BOLL: variants seen among roughly 807,000 people sequenced by gnomAD.
The protein encoded by BOLL is protein boule-like.
Under a neutral mutation model 44.4 loss-of-function variants are expected in BOLL, and 23 were observed. That is an observed-to-expected ratio of 0.52 (90% CI 0.37 to 0.73). The LOEUF is 0.73. BOLL is among the 30% of genes least tolerant of loss of function. The probability of loss-of-function intolerance (pLI) is 0.00; values close to 1 mark genes in which losing one functional copy is unlikely to be tolerated. For missense variants in BOLL, 287 were observed against 338.3 expected (o/e 0.85, Z 1.19); for synonymous variants, 97 against 110.8 (o/e 0.88, Z 0.78).
intron 1 of BOLL, among the ~76,000 whole-genome samples, chr2:197,784,441 T>C (rs1352351627): frequency 3.1e-5 from 3 of 96,392 alleles, no homozygotes; most frequent in Non-Finnish European, 6.2e-5. Flanking sequence ...TATATATATA[T>C]ATATATATTT....
intron 9 of BOLL, among the ~76,000 whole-genome samples, chr2:197,747,814 A>G (rs1688056513): frequency 6.6e-6 from 1 of 152,196 alleles, no homozygotes; most frequent in Admixed American, 6.5e-5. Context: ...GTACTGGTAC[A>G]AAAACACAGA....
rs1686883338 is a variant in BOLL, at chr2:197,727,124, ATCCT to A, written c.*1427_*1430del. The A allele has an allele frequency of 1.3e-5, 2 of 152,346 alleles. No homozygotes were observed. Among genetic ancestry groups the A allele is most frequent in the African/African-American group, 4.8e-5 (2 of 41,444 alleles). 9.4% of individuals were successfully genotyped at this position (152,346 alleles called of 1,614,324 possible). ...ACTGAGAATAATTAATGTATTTGAG[ATCCT>A]TGTATGCTAGTATACATTCATAAGG... On this transcript the variant is annotated 3_prime_UTR_variant, in exon 11 of 11. Transcript: ENST00000392296.
intron 3 of BOLL, among the ~76,000 whole-genome samples, chr2:197,778,218 T>C (rs964100186): frequency 6.6e-6 from 1 of 151,978 alleles, no homozygotes; most frequent in South Asian, 2.1e-4. Context: ...CATATCCATC[T>C]GTCGAATGTT....
At position 197,743,134 on chromosome 2, in the gene BOLL, G is replaced by T. The variant is rs986619330; in HGVS notation, c.755C>A (p.Ala252Glu). ...PEPYSDHGVQ[A>E]TYHQVYAPSA... ...TGGAGCATAAACCTGGTGATATGTT[G>T]CTTGAACTCCATGATCAGAATAAGG... is the stretch of plus-strand genomic sequence containing the variant. Residue 252 changes from alanine to glutamate, a missense_variant, in exon 10 of 11, where the codon GCA becomes GAA. Ala to Glu is a moderately radical substitution (Grantham distance 107). Transcript: ENST00000392296. 1.2e-6 allele frequency: 2 copies of T among 1,603,468 alleles called. No individual in the cohort carries two copies. Among genetic ancestry groups the T allele is most frequent in the Admixed American group, 1.7e-5 (1 of 58,098 alleles).
chr2:197,743,214 T>G, intron 9 of BOLL, 55 bp from the exon 10 acceptor site: 2 of 1,317,494 alleles, frequency 1.5e-6, no homozygotes, highest in Non-Finnish European at 2.1e-6. Context: ...ATTCTAAATA[T>G]TTACTCAGCA....
At chr2:197,732,068 C>A in intron 10 of BOLL, among the ~76,000 whole-genome samples, 1 of 148,874 alleles carries the variant, frequency 6.7e-6, no homozygotes. Context: ...GCTAGCAAGA[C>A]TAATAAAGAA....
At chr2:197,740,471 G>C (rs995595386) in intron 10 of BOLL, among the ~76,000 whole-genome samples, 1 of 152,082 alleles carries the variant, frequency 6.6e-6, no homozygotes, top group Non-Finnish European at 1.5e-5. Flanking sequence ...AGAATTCCCT[G>C]TACATAGTAG....
intron 10 of BOLL, among the ~76,000 whole-genome samples, chr2:197,731,406 G>A (rs1278504616): frequency 6.9e-6 from 1 of 145,756 alleles, no homozygotes; most frequent in African/African-American, 2.6e-5. Context: ...ACAGATCAAC[G>A]AGACAGAAAG....
upstream of BOLL, among the ~76,000 whole-genome samples, chr2:197,785,502 C>CA (rs1690035264): frequency 2.0e-5 from 3 of 152,168 alleles, no homozygotes; most frequent in South Asian, 6.2e-4. This position sits in a 1 kb window ranked among gnomAD's most constrained non-coding sequence, Gnocchi z 6.7. Context: ...GCCTGGGCCA[C>CA]AGGCGGGCCC....
intron 9 of BOLL, among the ~76,000 whole-genome samples, chr2:197,752,732 A>C (rs1034633682): frequency 6.6e-6 from 1 of 152,192 alleles, no homozygotes; most frequent in Non-Finnish European, 1.5e-5. Context: ...TACTGCCCAA[A>C]GTAATTTATA....
At chr2:197,752,485 A>T (rs1688306745) in intron 9 of BOLL, among the ~76,000 whole-genome samples, 1 of 152,212 alleles carries the variant, frequency 6.6e-6, no homozygotes. Context: ...CAAAAATCAC[A>T]AGCATTCAGC....
chr2:197,730,706 C>A (rs1687121823), intron 10 of BOLL, among the ~76,000 whole-genome samples: 1 of 150,732 alleles, frequency 6.6e-6, no homozygotes. Flanking sequence ...TCATATCCAG[C>A]CAAACTAAGC....
At position 197,728,099 on chromosome 2, in the gene BOLL, G is replaced by A. The variant is rs1686927257; in HGVS notation, c.*456C>T. 1 of 172,560 alleles carries A rather than the reference G, an allele frequency of 5.8e-6. No homozygotes were observed. Among genetic ancestry groups the A allele is most frequent in the Non-Finnish European group, 1.2e-5 (1 of 81,764 alleles). 10.7% of individuals were successfully genotyped at this position (172,560 alleles called of 1,614,324 possible). On this transcript the variant is annotated 3_prime_UTR_variant, in exon 11 of 11. Transcript: ENST00000392296. ...CATTAATATTAAATAGTATACTGTT[G>A]TAAAATATATGAAAGTATTAAAAGT... is the stretch of plus-strand genomic sequence containing the variant.
intron 6 of BOLL, among the ~76,000 whole-genome samples, chr2:197,768,531 G>T (rs1689096835): frequency 1.3e-5 from 2 of 151,470 alleles, no homozygotes; most frequent in Admixed American, 1.3e-4. Flanking sequence ...CAAAATAGCA[G>T]AAAAAAGACC....
intron 9 of BOLL, among the ~76,000 whole-genome samples, chr2:197,746,914 A>G (rs1688011839): frequency 6.6e-6 from 1 of 151,636 alleles, no homozygotes; most frequent in African/African-American, 2.4e-5. Flanking sequence ...AAAAAAAAAA[A>G]AAAAGCAGAG....
intron 10 of BOLL, among the ~76,000 whole-genome samples, chr2:197,730,842 C>A (rs1240478246): frequency 1.3e-5 from 2 of 151,980 alleles, no homozygotes; most frequent in Admixed American, 6.5e-5. Flanking sequence ...ACAACCGGTA[C>A]CAGCCGCTGC....
At chr2:197,782,368 A>G (rs2106396298) in intron 1 of BOLL, among the ~76,000 whole-genome samples, 1 of 152,338 alleles carries the variant, frequency 6.6e-6, no homozygotes, top group Middle Eastern at 3.4e-3. Context: ...GAATGCTGAC[A>G]AAAACAAAGG....
intron 6 of BOLL, among the ~76,000 whole-genome samples, chr2:197,769,669 CG>C (rs1689148476): frequency 6.6e-6 from 1 of 152,114 alleles, no homozygotes; most frequent in South Asian, 2.1e-4. Flanking sequence ...GATACAAAAT[CG>C]ATGTGCAAAA....
rs780755108 is a variant in BOLL at position 197,766,607 on chromosome 2, TAAA to T, written c.481-7_481-5del. 5 of 1,609,344 alleles carry T rather than the reference TAAA, an allele frequency of 3.1e-6. No homozygotes were observed. The highest frequency in any genetic ancestry group is 4.2e-6 in the Non-Finnish European group (5 of 1,177,448). ...GGGAGCTACATACAGAACGTGACTA[TAAA>T]AGGATGGAAAAAGAAAAATTAGGCA... is the stretch of plus-strand genomic sequence containing the variant. On this transcript the variant is annotated splice_region_variant and splice_polypyrimidine_tract_variant and intron_variant, in intron 6 of 10. Coordinates refer to ENST00000392296, the MANE Select transcript of BOLL (RefSeq NM_033030.6).
Sources: allele counts gnomAD v4.1 joint callset (sites outside exome capture counted in the v4.1 genomes callset), GRCh38; gene constraint gnomAD v4.1.1; non-coding constraint Gnocchi (gnomAD v3.1); transcripts MANE v1.5; gene names NCBI Gene and HGNC (gene_info 2026-07-23, HGNC 2026-07-21).